HLCS: variants seen among roughly 807,000 people sequenced by gnomAD.
HLCS encodes the protein biotin--protein ligase.
Under a neutral mutation model 75.0 loss-of-function variants are expected in HLCS, and 53 were observed. The observed-to-expected ratio is 0.71, with a 90% CI of 0.57 to 0.89. The LOEUF (loss-of-function observed/expected upper bound fraction) is 0.89, where lower values mean the gene tolerates loss of function less well. Among genes scored for constraint, HLCS ranks in the 40% least tolerant of loss-of-function variants. HLCS has a pLI of 0.00. For synonymous variants in HLCS, 431 were observed against 428.6 expected, an observed-to-expected ratio of 1.01 and a Z score of -0.07; for missense variants, 966 against 1,074.0, an observed-to-expected ratio of 0.90 and a Z score of 1.41.
chr21:36,964,624 T>C (rs1462664954), intron 1 of HLCS, among the ~76,000 whole-genome samples: 2 of 152,164 alleles, frequency 1.3e-5, no homozygotes, highest in Non-Finnish European at 2.9e-5. Flanking sequence ...AAGCTTACTG[T>C]GCAGAGTGAC....
intron 6 of HLCS, among the ~76,000 whole-genome samples, chr21:36,843,488 T>C: frequency 9.5e-6 from 1 of 105,464 alleles, no homozygotes; most frequent in Non-Finnish European, 1.8e-5. Context: ...AAAAGAAGTA[T>C]CTGTTGAGAT....
chr21:36,840,357 T>G (rs912536943), intron 6 of HLCS, among the ~76,000 whole-genome samples: 1 of 152,188 alleles, frequency 6.6e-6, no homozygotes, highest in Admixed American at 6.5e-5. Context: ...TCATAACTAT[T>G]GATGGGGACT....
At chr21:36,900,931 G>A (rs1302048881) in intron 5 of HLCS, among the ~76,000 whole-genome samples, 2 of 152,162 alleles carry the variant, frequency 1.3e-5, no homozygotes, top group East Asian at 1.9e-4. Context: ...GGCAGGAGGT[G>A]AGCCCTGGGT....
At chr21:36,959,484 G>A (rs957729200) in intron 2 of HLCS, among the ~76,000 whole-genome samples, 14 of 152,336 alleles carry the variant, frequency 9.2e-5, no homozygotes, top group African/African-American at 2.9e-4. Flanking sequence ...CTCATAGGTA[G>A]AAAGGGGCGG....
intron 5 of HLCS, among the ~76,000 whole-genome samples, chr21:36,926,775 C>T (rs987168487): frequency 7.1e-5 from 10 of 141,658 alleles, no homozygotes; most frequent in Non-Finnish European, 1.1e-4. Flanking sequence ...CAGGGTCTCA[C>T]TCTGTTGCCC....
At position 36,936,856 on chromosome 21, in the gene HLCS, G is replaced by C. The variant is rs748209842; in HGVS notation, c.1030C>G (p.Leu344Val). Reference sequence around the variant, plus strand: ...GCACTGTCCTCCAGCAGGTGGTAGAGAATATAACTGTCAATGTCCACACAG... The same window carrying C: ...GCACTGTCCTCCAGCAGGTGGTAGACAATATAACTGTCAATGTCCACACAG... The part of the protein sequence containing the change: ...ADCVDIDSYI[L>V]YHLLEDSALR... Residue 344 changes from leucine (L) to valine (V), a missense_variant, in exon 4 of 11, where the codon CTC becomes GTC. Coordinates refer to ENST00000674895, the MANE Select transcript of HLCS (RefSeq NM_001352514.2). 2.5e-6 allele frequency: 4 copies of C among 1,614,038 alleles called. No homozygotes were observed. Among genetic ancestry groups the C allele is most frequent in the Admixed American group, 3.3e-5 (2 of 60,010 alleles).
At chr21:36,947,539 G>C (rs1196245625) in intron 2 of HLCS, 2 of 985,314 alleles carry the variant, frequency 2.0e-6, no homozygotes, top group Non-Finnish European at 2.4e-6. Flanking sequence ...AAAAGAGAAG[G>C]GAAGTCAAGC....
intron 6 of HLCS, among the ~76,000 whole-genome samples, chr21:36,874,975 C>T (rs919962267): frequency 6.6e-5 from 10 of 152,190 alleles, no homozygotes; most frequent in Admixed American, 2.0e-4. Flanking sequence ...TGTAGCCAAG[C>T]GCGGGTGCTG....
chr21:36,969,738 A>C (rs1366555078), upstream of HLCS: 2 of 152,010 alleles, frequency 1.3e-5, no homozygotes, highest in East Asian at 3.9e-4. Context: ...ACACCTGGCT[A>C]ATTTGTGTAT....
chr21:36,857,481 G>A (rs913431190), intron 6 of HLCS, among the ~76,000 whole-genome samples: 1 of 152,164 alleles, frequency 6.6e-6, no homozygotes, highest in Admixed American at 6.5e-5. Context: ...TCTTTCATTT[G>A]TGTACTACTG....
At chr21:36,893,668 A>AC (rs1424297908) in intron 6 of HLCS, among the ~76,000 whole-genome samples, 1 of 152,158 alleles carries the variant, frequency 6.6e-6, no homozygotes, top group African/African-American at 2.4e-5. Flanking sequence ...TGCACAGTTC[A>AC]CAATAGGGTT....
chr21:36,900,405 G>A (rs1327348335), intron 5 of HLCS, among the ~76,000 whole-genome samples: 1 of 152,140 alleles, frequency 6.6e-6, no homozygotes, highest in Non-Finnish European at 1.5e-5. Flanking sequence ...CCTGATCAGG[G>A]CACAGCATTT....
chr21:36,823,561 G>C (rs1469026249), intron 6 of HLCS, among the ~76,000 whole-genome samples: 1 of 150,708 alleles, frequency 6.6e-6, no homozygotes, highest in East Asian at 1.9e-4. Context: ...TGTGAACTTA[G>C]TCTACGAGGA....
chr21:36,880,789 C>T (rs1013301125), intron 6 of HLCS, among the ~76,000 whole-genome samples: 1 of 152,122 alleles, frequency 6.6e-6, no homozygotes, highest in African/African-American at 2.4e-5. Context: ...CGACCTCATC[C>T]AAGACCACTC....
intron 6 of HLCS, among the ~76,000 whole-genome samples, chr21:36,791,055 T>C (rs937901995): frequency 1.3e-5 from 2 of 152,316 alleles, no homozygotes; most frequent in South Asian, 4.1e-4. Context: ...GTTGGCTAAA[T>C]ATGCCTCAGC....
At chr21:36,757,643 T>C (rs1009338012) in intron 9 of HLCS, among the ~76,000 whole-genome samples, 19 of 152,300 alleles carry the variant, frequency 1.2e-4, no homozygotes, top group African/African-American at 4.6e-4. Flanking sequence ...ACAACAGCCT[T>C]CCCGGCAAGT....
Position 36,842,611 on chromosome 21 carries a change from C to T in HLCS, c.1892+54249G>A, listed in dbSNP as rs1353753839. Among the ~76,000 whole-genome samples the T allele has an allele frequency of 1.3e-5, 2 of 152,036 alleles. No homozygotes were observed. Among genetic ancestry groups the T allele is most frequent in the Non-Finnish European group, 2.9e-5 (2 of 68,012 alleles). ...AAAAGAAGTTGGCTGGGTGTGGTGA[C>T]GCACGCCTGTAATGCCAGCTACTTG... On this transcript the variant is annotated intron_variant, in intron 6 of 10. Coordinates refer to ENST00000674895, the MANE Select transcript of HLCS (RefSeq NM_001352514.2). The surrounding 1 kb of genome is among the most constrained non-coding windows in gnomAD (Gnocchi z 4.2).
chr21:36,965,544 G>A (rs757056051), intron 1 of HLCS, among the ~76,000 whole-genome samples: 3 of 151,754 alleles, frequency 2.0e-5, no homozygotes, highest in Non-Finnish European at 2.9e-5. Flanking sequence ...CCTAAGCACT[G>A]GGTCAAAAAA....
chr21:36,987,588 G>A (rs1314489901), intron 1 of HLCS, among the ~76,000 whole-genome samples: 1 of 152,154 alleles, frequency 6.6e-6, no homozygotes, highest in Non-Finnish European at 1.5e-5. Context: ...ACTCCAGCCT[G>A]GGCAACAGAG....
Sources: gnomAD v4.1 joint callset for allele counts (sites outside exome capture counted in the v4.1 genomes callset) on GRCh38, gnomAD v4.1.1 for gene constraint, Gnocchi (gnomAD v3.1) non-coding constraint, MANE v1.5 for transcripts, NCBI Gene and HGNC (gene_info 2026-07-23, HGNC 2026-07-21) for gene names.